DTD1: variants seen among roughly 807,000 people sequenced by gnomAD.
DTD1 encodes D-aminoacyl-tRNA deacylase 1.
In DTD1, 13 loss-of-function variants were observed where a neutral mutation model predicts 25.6. The observed-to-expected ratio is 0.51, with a 90% CI of 0.33 to 0.81. The LOEUF is 0.81. Ranked by LOEUF, DTD1 falls within the 30% of genes least tolerant of loss-of-function variation. DTD1 has a pLI of 0.02. For synonymous variants in DTD1, 110 were observed against 103.6 expected (o/e 1.06, Z -0.37); for missense variants, 193 against 266.4 (o/e 0.72, Z 1.92).
intron 4 of DTD1, among the ~76,000 whole-genome samples, chr20:18,712,296 A>T (rs1169221652): frequency 6.6e-6 from 1 of 151,964 alleles, no homozygotes; most frequent in Non-Finnish European, 1.5e-5. Context: ...GCACAAGAAT[A>T]AGCTCATAAA....
intron 4 of DTD1, among the ~76,000 whole-genome samples, chr20:18,664,445 G>A (rs1435212598): frequency 6.6e-6 from 1 of 152,136 alleles, no homozygotes; most frequent in African/African-American, 2.4e-5. Flanking sequence ...CCTGCTTTCT[G>A]ATGGTATTGG....
At chr20:18,718,540 T>A (rs757923894) in intron 4 of DTD1, among the ~76,000 whole-genome samples, 5 of 152,346 alleles carry the variant, frequency 3.3e-5, no homozygotes, top group Non-Finnish European at 5.9e-5. Context: ...GTGTAATACA[T>A]CTATATTATT....
intron 4 of DTD1, among the ~76,000 whole-genome samples, chr20:18,743,150 C>G (rs1044589413): frequency 1.3e-5 from 2 of 152,174 alleles, no homozygotes; most frequent in African/African-American, 4.8e-5. Context: ...AAGAACTATT[C>G]AGGGAAGAAG....
intron 5 of DTD1, among the ~76,000 whole-genome samples, chr20:18,755,336 T>C (rs1363303183): frequency 6.6e-6 from 1 of 152,236 alleles, no homozygotes; most frequent in Admixed American, 6.5e-5. Flanking sequence ...TTGTTACATA[T>C]GTATACATGT....
At chr20:18,720,860 A>G (rs2061200207) in intron 4 of DTD1, among the ~76,000 whole-genome samples, 1 of 152,144 alleles carries the variant, frequency 6.6e-6, no homozygotes, top group Admixed American at 6.5e-5. Flanking sequence ...CCTGTCTCAA[A>G]AAAAATTTTT....
intron 4 of DTD1, among the ~76,000 whole-genome samples, chr20:18,680,417 G>A (rs376015880): frequency 1.9e-5 from 2 of 105,216 alleles, no homozygotes; most frequent in African/African-American, 7.1e-5. Context: ...TGTTGTCTAC[G>A]TTTTTTTTTT....
At chr20:18,708,303 TA>T (rs2061142176) in intron 4 of DTD1, among the ~76,000 whole-genome samples, 4 of 56,764 alleles carry the variant, frequency 7.0e-5, no homozygotes, top group South Asian at 4.6e-4. Context: ...ATATAATATA[TA>T]TATTTTATAT....
chr20:18,596,144 T>C lies in DTD1; in HGVS notation c.273T>C (p.Pro91=), dbSNP rs865993103. 6.2e-7 allele frequency: 1 copy of C among 1,614,212 alleles called. No individual in the cohort carries two copies. The change falls in exon 3 of 6, where the codon CCT becomes CCC. Residue 91 remains proline, a synonymous_variant. Coordinates refer to ENST00000377452, the MANE Select transcript of DTD1 (RefSeq NM_080820.6). ...AGTGTGTCCTGAAGGGAAACAAGCC[T>C]GATTTCCACCTAGCAATGCCCACGG... ...TLQCVLKGNK[P]DFHLAMPTEQ...
At chr20:18,741,897 AT>A (rs57912866) in intron 4 of DTD1, among the ~76,000 whole-genome samples, 100 of 88,718 alleles carry the variant, frequency 1.1e-3, no homozygotes, top group African/African-American at 3.1e-3. Context: ...TAACCTTTGT[AT>A]TTTTTTTTTT....
chr20:18,758,993 C>T (rs1460767914), intron 5 of DTD1, among the ~76,000 whole-genome samples: 1 of 152,158 alleles, frequency 6.6e-6, no homozygotes, highest in Non-Finnish European at 1.5e-5. Context: ...TATGTAATGG[C>T]CTTCTTCGTC....
chr20:18,685,936 C>T (rs941179007), intron 4 of DTD1, among the ~76,000 whole-genome samples: 2 of 152,288 alleles, frequency 1.3e-5, no homozygotes, highest in Admixed American at 6.5e-5. Context: ...CTGTGTGCTG[C>T]GCCAACTTCA....
chr20:18,690,985 A>ATATG (rs906548116), intron 4 of DTD1, among the ~76,000 whole-genome samples: 14 of 152,244 alleles, frequency 9.2e-5, no homozygotes, highest in African/African-American at 3.1e-4. Flanking sequence ...AAAAGAAGTC[A>ATATG]TATGCATGGC....
chr20:18,745,733 G>A (rs2061297506), intron 5 of DTD1, among the ~76,000 whole-genome samples: 1 of 152,184 alleles, frequency 6.6e-6, no homozygotes, highest in Non-Finnish European at 1.5e-5. Flanking sequence ...GGGAGGGCAG[G>A]GAGCATCTCT....
At chr20:18,602,663 C>A (rs1257505256) in intron 3 of DTD1, among the ~76,000 whole-genome samples, 1 of 17,594 alleles carries the variant, frequency 5.7e-5, no homozygotes, top group Non-Finnish European at 1.2e-4. Flanking sequence ...AATTTCATAT[C>A]CAGCCAAACT....
At chr20:18,695,559 C>T in intron 4 of DTD1, among the ~76,000 whole-genome samples, 2 of 26,312 alleles carry the variant, frequency 7.6e-5, no homozygotes, top group Non-Finnish European at 1.5e-4. Flanking sequence ...CCCTTCCCTT[C>T]TCTTCCCCTC....
chr20:18,598,730 C>T (rs947934352), intron 3 of DTD1, among the ~76,000 whole-genome samples: 10 of 150,116 alleles, frequency 6.7e-5, no homozygotes, highest in Admixed American at 1.3e-4. Context: ...AGGATGGTCT[C>T]GATCTCCTGA....
intron 4 of DTD1, among the ~76,000 whole-genome samples, chr20:18,667,841 A>G (rs1386135279): frequency 6.6e-6 from 1 of 152,238 alleles, no homozygotes; most frequent in Middle Eastern, 3.4e-3. Flanking sequence ...TTTCTCTTCT[A>G]TCTCTGGCAC....
At position 18,651,280 on chromosome 20, in the gene DTD1, T is replaced by C. The variant is rs549509966; in HGVS notation, c.477+23047T>C. On this transcript the variant is annotated intron_variant, in intron 4 of 5. Transcript: ENST00000377452. Reference sequence around the variant, plus strand: ...GATTCTCCTGCCTCAGCTTCCAGAGTAGCTGGGATTATAGGCATATGCCAC... The same window carrying C: ...GATTCTCCTGCCTCAGCTTCCAGAGCAGCTGGGATTATAGGCATATGCCAC... Among the ~76,000 whole-genome samples, 402 of 152,264 alleles carry C rather than the reference T, an allele frequency of 2.6e-3. 2 individuals carry two copies. The highest frequency in any genetic ancestry group is 4.4e-3 in the Non-Finnish European group (298 of 68,004).
chr20:18,669,388 G>A (rs1568663722), intron 4 of DTD1, among the ~76,000 whole-genome samples: 1 of 152,172 alleles, frequency 6.6e-6, no homozygotes, highest in Non-Finnish European at 1.5e-5. Flanking sequence ...GGACCTGCAT[G>A]AAACTGAAGG....
Sources: gnomAD v4.1 joint callset for allele counts (sites outside exome capture counted in the v4.1 genomes callset) on GRCh38, gnomAD v4.1.1 for gene constraint, MANE v1.5 for transcripts, NCBI Gene and HGNC (gene_info 2026-07-23, HGNC 2026-07-21) for gene names.